TET1: variants seen among roughly 807,000 people sequenced by gnomAD.
TET1 encodes the protein methylcytosine dioxygenase TET1.
In TET1, 13 loss-of-function variants were observed where a neutral mutation model predicts 148.7. The ratio of observed to expected loss-of-function variants is 0.09; its 90% CI spans 0.06 to 0.14. The LOEUF (loss-of-function observed/expected upper bound fraction) is 0.14, where lower values mean the gene tolerates loss of function less well. TET1 is among the 10% of genes least tolerant of loss of function. TET1 has a pLI of 1.00. For missense variants in TET1, 2,182 were observed against 2,553.8 expected (o/e 0.85, Z 3.14); for synonymous variants, 907 against 937.2 (o/e 0.97, Z 0.59).
Position 68,572,342 on chromosome 10 carries a change from T to A in TET1, c.4T>A (p.Ser2Thr). ...CATTTTTTCCTACTCTGTAGCTATG[T>A]CTCGATCCCGCCATGCAAGGCCTTC... MSRSRHARPSRL... is the reference protein window; with the variant it reads MTRSRHARPSRL... Residue 2 changes from serine to threonine, a missense_variant, in exon 2 of 12, where the codon TCT becomes ACT. Coordinates refer to ENST00000373644, the MANE Select transcript of TET1 (RefSeq NM_030625.3). The A allele has an allele frequency of 6.3e-7, 1 of 1,598,004 alleles. No homozygotes were observed. The highest frequency in any genetic ancestry group is 8.5e-7 in the Non-Finnish European group (1 of 1,175,818).
intron 1 of TET1, among the ~76,000 whole-genome samples, chr10:68,562,985 C>T (rs1036247304): frequency 4.7e-5 from 7 of 150,228 alleles, no homozygotes; most frequent in Non-Finnish European, 7.4e-5. Flanking sequence ...ATTTCTTCCC[C>T]TTCTTTCGTT....
intron 3 of TET1, among the ~76,000 whole-genome samples, chr10:68,616,128 A>G (rs2054286285): frequency 6.6e-6 from 1 of 152,232 alleles, no homozygotes; most frequent in Non-Finnish European, 1.5e-5. Context: ...TAATCTACTA[A>G]TAAGGAAATT....
At chr10:68,589,556 G>A (rs1426674928) in intron 2 of TET1, among the ~76,000 whole-genome samples, 3 of 151,748 alleles carry the variant, frequency 2.0e-5, no homozygotes, top group Non-Finnish European at 2.9e-5. Context: ...CACCTGCCTC[G>A]GCCTCCCAAA....
At chr10:68,586,973 GTAAT>G (rs1205367763) in intron 2 of TET1, among the ~76,000 whole-genome samples, 2 of 152,164 alleles carry the variant, frequency 1.3e-5, no homozygotes, top group African/African-American at 2.4e-5. Context: ...GTAGAGGAAA[GTAAT>G]TAAGTTTTCT....
chr10:68,579,110 C>G (rs538823705), intron 2 of TET1, among the ~76,000 whole-genome samples: 3 of 152,210 alleles, frequency 2.0e-5, no homozygotes, highest in Admixed American at 6.5e-5. Context: ...TGGCCAGTTA[C>G]TGATGGTTTA....
At chr10:68,570,694 A>C (rs1378508970) in intron 1 of TET1, among the ~76,000 whole-genome samples, 1 of 151,134 alleles carries the variant, frequency 6.6e-6, no homozygotes, top group Non-Finnish European at 1.5e-5. Context: ...CAGTGGCGTG[A>C]TCTTGGCTCA....
At chr10:68,641,736 C>T (rs955015852) in intron 3 of TET1, among the ~76,000 whole-genome samples, 24 of 152,184 alleles carry the variant, frequency 1.6e-4, no homozygotes, top group Non-Finnish European at 7.4e-5. Flanking sequence ...CTCCTGACCT[C>T]GTGATCCGCT....
Position 68,560,415 on chromosome 10 carries a change from C to T in TET1, c.-450C>T, listed in dbSNP as rs377027935. Among the ~76,000 whole-genome samples the T allele has an allele frequency of 6.6e-6, 1 of 152,220 alleles. No individual in the cohort carries two copies. Among genetic ancestry groups the T allele is most frequent in the Non-Finnish European group, 1.5e-5 (1 of 68,032 alleles). On this transcript the variant is annotated 5_prime_UTR_variant, in exon 1 of 12. Coordinates refer to ENST00000373644, the MANE Select transcript of TET1 (RefSeq NM_030625.3). ...CGGGGAGTGGCCGCGCAGTCTGCTC[C>T]GGCGCCGCTTTGTGCGCGCAGCCGC...
At chr10:68,622,951 G>C (rs73278526) in intron 3 of TET1, among the ~76,000 whole-genome samples, 2,268 of 152,170 alleles carry the variant, frequency 0.015, 47 homozygotes, top group African/African-American at 0.052. Context: ...TAATCCACAG[G>C]AGTCAGGTGC....
At chr10:68,599,835 A>G (rs957315361) in intron 2 of TET1, among the ~76,000 whole-genome samples, 1 of 152,196 alleles carries the variant, frequency 6.6e-6, no homozygotes, top group East Asian at 1.9e-4. Flanking sequence ...TTTGGAAATG[A>G]AGGTCATCAG....
chr10:68,599,775 G>T (rs937600908), intron 2 of TET1, among the ~76,000 whole-genome samples: 6 of 152,168 alleles, frequency 3.9e-5, no homozygotes, highest in African/African-American at 1.4e-4. Flanking sequence ...GTGTCCTTTT[G>T]TCCCAAAGAT....
intron 3 of TET1, among the ~76,000 whole-genome samples, chr10:68,631,197 G>T (rs933973398): frequency 6.6e-6 from 1 of 152,110 alleles, no homozygotes; most frequent in African/African-American, 2.4e-5. Context: ...CAAAACAAAA[G>T]AAATATATTA....
chr10:68,666,960 T>C (rs867881421), intron 6 of TET1, 85 bp from the exon 7 acceptor site: 1 of 1,148,794 alleles, frequency 8.7e-7, no homozygotes, highest in Non-Finnish European at 1.2e-6. Context: ...TAAAATATAA[T>C]CATGGAGAAC....
chr10:68,636,624 T>C (rs1458412915), intron 3 of TET1, among the ~76,000 whole-genome samples: 2 of 152,124 alleles, frequency 1.3e-5, no homozygotes, highest in African/African-American at 4.8e-5. Flanking sequence ...TAGTGAGCTG[T>C]GATCCTCTTA....
At chr10:68,584,169 A>G (rs1287909571) in intron 2 of TET1, among the ~76,000 whole-genome samples, 1 of 150,908 alleles carries the variant, frequency 6.6e-6, no homozygotes, top group African/African-American at 2.4e-5. Flanking sequence ...CCTCCCGAGT[A>G]GCTGGGATTA....
At chr10:68,613,934 G>A (rs1476637256) in intron 3 of TET1, among the ~76,000 whole-genome samples, 1 of 133,324 alleles carries the variant, frequency 7.5e-6, no homozygotes, top group Non-Finnish European at 1.6e-5. Context: ...GCGAGACTTC[G>A]TCTCAAAAAA....
chr10:68,566,679 T>C (rs1394376994), intron 1 of TET1, among the ~76,000 whole-genome samples: 3 of 152,182 alleles, frequency 2.0e-5, no homozygotes, highest in Non-Finnish European at 4.4e-5. Flanking sequence ...TGTAGTGTGC[T>C]CTGGGAATTC....
At chr10:68,595,977 CATAT>C (rs1434473215) in intron 2 of TET1, among the ~76,000 whole-genome samples, 23 of 59,078 alleles carry the variant, frequency 3.9e-4, no homozygotes, top group South Asian at 1.2e-3. Context: ...CACACACACA[CATAT>C]ATACACACAC....
At chr10:68,677,885 G>T (rs1440171771) in intron 8 of TET1, among the ~76,000 whole-genome samples, 4 of 152,218 alleles carry the variant, frequency 2.6e-5, no homozygotes, top group East Asian at 3.8e-4. Context: ...CTCCCAAACT[G>T]CTGGGATTAC....
Sources: gnomAD v4.1 joint callset for allele counts (sites outside exome capture counted in the v4.1 genomes callset) on GRCh38, gnomAD v4.1.1 for gene constraint, MANE v1.5 for transcripts, NCBI Gene and HGNC (gene_info 2026-07-23, HGNC 2026-07-21) for gene names.